The following VEPH1 variants were observed in gnomAD, a reference collection of about 807,000 sequenced individuals.
VEPH1 encodes the protein ventricular zone expressed PH domain containing 1, also known as ventricular zone-expressed PH domain-containing protein homolog 1.
A neutral mutation model predicts 85.2 loss-of-function variants in VEPH1; 80 were observed. That is an observed-to-expected ratio of 0.94 (90% CI 0.78 to 1.13). VEPH1 has a LOEUF of 1.13. Among genes scored for constraint, VEPH1 ranks in the 50% most tolerant of loss-of-function variants. The pLI is 0.00. For missense variants in VEPH1, 955 were observed against 980.5 expected, an observed-to-expected ratio of 0.97 and a Z score of 0.35; for synonymous variants, 297 against 348.0, an observed-to-expected ratio of 0.85 and a Z score of 1.63.
intron 4 of VEPH1, chr3:157,436,965 T>A (rs763595100): frequency 6.2e-7 from 1 of 1,614,068 alleles, no homozygotes; most frequent in Non-Finnish European, 8.5e-7. Context: ...TTTTGTGCTC[T>A]CTGGTCTGCA....
intron 2 of VEPH1, among the ~76,000 whole-genome samples, chr3:157,488,201 C>A (rs991437650): frequency 2.0e-5 from 3 of 151,924 alleles, no homozygotes; most frequent in South Asian, 4.2e-4. Flanking sequence ...TTCTAAATAC[C>A]AGCCCATTTC....
intron 2 of VEPH1, chr3:157,489,309 C>A (rs572740656): frequency 2.3e-5 from 9 of 398,020 alleles, no homozygotes; most frequent in African/African-American, 1.7e-4. Flanking sequence ...ACAGCCACAC[C>A]GACCTCAGAA....
rs144599805 is a variant in VEPH1, at chr3:157,461,423, G to A, written c.355-1068C>T. Reference sequence around the variant, plus strand: ...GAAATAGCCCTGGACTCCTACTCTTGCATTATTTGATGACAGACAAAGTTC... The same window carrying A: ...GAAATAGCCCTGGACTCCTACTCTTACATTATTTGATGACAGACAAAGTTC... On this transcript the variant is annotated intron_variant, in intron 3 of 13. Coordinates refer to ENST00000362010, the MANE Select transcript of VEPH1 (RefSeq NM_001167912.2). Among the ~76,000 whole-genome samples the A allele has an allele frequency of 5.2e-3, 798 of 152,244 alleles. 2 individuals are homozygous for A. The highest frequency in any genetic ancestry group is 8.6e-3 in the Non-Finnish European group (582 of 68,018).
rs775267989 is a variant in VEPH1, at chr3:157,446,400, ATAT to A, written c.529+13778_529+13780del. 8.5e-4 allele frequency among the ~76,000 whole-genome samples: 129 copies of A among 152,266 alleles called. 2 individuals are homozygous for A. Among genetic ancestry groups the A allele is most frequent in the Non-Finnish European group, 1.2e-3 (85 of 68,020 alleles). On this transcript the variant is annotated intron_variant, in intron 4 of 13. Transcript: ENST00000362010. ...ATAATATATGAACTAAACACAGTTG[ATAT>A]TATTTTCCTTGTCTATTACAATATA...
At chr3:157,445,357 T>C (rs1734463194) in intron 4 of VEPH1, among the ~76,000 whole-genome samples, 1 of 152,186 alleles carries the variant, frequency 6.6e-6, no homozygotes, top group South Asian at 2.1e-4. Flanking sequence ...GCGGGGTGGC[T>C]CAAGCCTGTA....
chr3:157,303,658 T>A (rs1319048684), intron 11 of VEPH1, among the ~76,000 whole-genome samples: 1 of 152,194 alleles, frequency 6.6e-6, no homozygotes, highest in Non-Finnish European at 1.5e-5. Context: ...ACCTTCAATC[T>A]GCCCTCCAGG....
At position 157,470,411 on chromosome 3, in the gene VEPH1, C is replaced by T. The variant is rs1474448921; in HGVS notation, c.257G>A (p.Trp86Ter). ...EKHAKALVGL[W>*]DSCLEHNLRP... ...CAGGTTATGTTCCAAGCAGGAGTCC[C>T]AGAGCCCCACAAGGGCCTTTGCATG... The change falls in exon 3 of 14, where the codon TGG (tryptophan) becomes TAG (stop). Residue 86 changes from tryptophan (W) to a stop codon, truncating the protein, a stop_gained. Transcript: ENST00000362010. LOFTEE classifies it high-confidence loss of function. 6.2e-7 allele frequency: 1 copy of T among 1,614,018 alleles called. No individual in the cohort carries two copies. Among genetic ancestry groups the T allele is most frequent in the African/African-American group, 1.3e-5 (1 of 74,904 alleles).
At chr3:157,476,642 C>T (rs1238437445) in intron 2 of VEPH1, among the ~76,000 whole-genome samples, 3 of 152,216 alleles carry the variant, frequency 2.0e-5, no homozygotes, top group Non-Finnish European at 4.4e-5. Flanking sequence ...AGTACACATA[C>T]TAAAACAGTG....
chr3:157,459,764 A>G (rs1289478480), intron 4 of VEPH1: 9 of 1,451,342 alleles, frequency 6.2e-6, no homozygotes, highest in Non-Finnish European at 8.1e-6. Flanking sequence ...ACATTTTCTG[A>G]TGTATTTTAT....
intron 7 of VEPH1, among the ~76,000 whole-genome samples, chr3:157,366,627 C>T (rs1726735489): frequency 1.3e-5 from 2 of 151,872 alleles, no homozygotes; most frequent in Admixed American, 6.6e-5. Flanking sequence ...CCCAGCTACT[C>T]GGGAGGCTGA....
At position 157,363,723 on chromosome 3, in the gene VEPH1, C is replaced by T; in HGVS notation, c.1376G>A (p.Gly459Asp). 1 of 1,614,056 alleles carries T rather than the reference C, an allele frequency of 6.2e-7. No homozygotes were observed. Among genetic ancestry groups the T allele is most frequent in the Non-Finnish European group, 8.5e-7 (1 of 1,179,992 alleles). Reference sequence around the variant, plus strand: ...ATCTTCGCCGTCATCTGAACCCACACCCTTTGTGAGCATAGTGTGGAAAGC... The same window carrying T: ...ATCTTCGCCGTCATCTGAACCCACATCCTTTGTGAGCATAGTGTGGAAAGC... The part of the protein sequence containing the change: ...SLAFHTMLTK[G>D]VGSDDGEDEN... Residue 459 changes from glycine to aspartate, a missense_variant, in exon 9 of 14, where the codon GGT (glycine) becomes GAT (aspartate). Transcript: ENST00000362010.
chr3:157,279,617 G>A (rs960807151), intron 12 of VEPH1, among the ~76,000 whole-genome samples: 1 of 152,122 alleles, frequency 6.6e-6, no homozygotes, highest in Admixed American at 6.6e-5. Context: ...AGAGAAAAAG[G>A]TTAATCTAAT....
At chr3:157,431,502 C>G (rs961266816) in intron 4 of VEPH1, among the ~76,000 whole-genome samples, 2 of 152,074 alleles carry the variant, frequency 1.3e-5, no homozygotes, top group Non-Finnish European at 2.9e-5. Flanking sequence ...TTTTAAGGAC[C>G]CTTGTGATTG....
At position 157,414,096 on chromosome 3, in the gene VEPH1, A is replaced by G. The variant is rs779681919; in HGVS notation, c.697-6T>C. 6.3e-7 allele frequency: 1 copy of G among 1,588,996 alleles called. No homozygotes were observed. The highest frequency in any genetic ancestry group is 1.3e-5 in the African/African-American group (1 of 74,498). On this transcript the variant is annotated splice_region_variant and splice_polypyrimidine_tract_variant and intron_variant, in intron 5 of 13. Transcript: ENST00000362010. ...GGAATACACTTCTGAACTACCTATAAAGAGAGAGGAGAGGAGGAGGGAAGA... is the reference window on the plus strand; with the variant it reads ...GGAATACACTTCTGAACTACCTATAGAGAGAGAGGAGAGGAGGAGGGAAGA...
At chr3:157,264,211 T>C (rs1045742190) in intron 13 of VEPH1, among the ~76,000 whole-genome samples, 2 of 152,246 alleles carry the variant, frequency 1.3e-5, no homozygotes, top group Non-Finnish European at 2.9e-5. Context: ...CTCCTGGTTT[T>C]GGGGCCTTCA....
intron 4 of VEPH1, among the ~76,000 whole-genome samples, chr3:157,448,158 A>G (rs1191635824): frequency 1.3e-5 from 2 of 152,186 alleles, no homozygotes; most frequent in African/African-American, 2.4e-5. Context: ...CTGCTCACCA[A>G]GCAATGGTTT....
intron 7 of VEPH1, among the ~76,000 whole-genome samples, chr3:157,365,415 C>G (rs1170282328): frequency 6.6e-6 from 1 of 152,174 alleles, no homozygotes; most frequent in Non-Finnish European, 1.5e-5. Context: ...ACTTACCACA[C>G]TTTTGACACC....
chr3:157,353,996 G>A (rs1191477705), intron 9 of VEPH1, among the ~76,000 whole-genome samples: 1 of 152,050 alleles, frequency 6.6e-6, no homozygotes, highest in African/African-American at 2.4e-5. Flanking sequence ...CTACAATAAC[G>A]GACGCAGGTC....
chr3:157,299,229 T>C (rs1718477746), intron 11 of VEPH1, among the ~76,000 whole-genome samples: 1 of 152,006 alleles, frequency 6.6e-6, no homozygotes, highest in South Asian at 2.1e-4. Flanking sequence ...CTCAGATAAA[T>C]GTTGGGCTAT....
Sources: allele counts gnomAD v4.1 joint callset (sites outside exome capture counted in the v4.1 genomes callset), GRCh38; gene constraint gnomAD v4.1.1; transcripts MANE v1.5; gene names NCBI Gene and HGNC (gene_info 2026-07-23, HGNC 2026-07-21).